Variants in INPP4B observed in about 807,000 individuals in gnomAD.
The protein encoded by INPP4B is inositol polyphosphate 4-phosphatase type II.
In INPP4B, 55 loss-of-function variants were observed where a neutral mutation model predicts 122.5. The ratio of observed to expected loss-of-function variants is 0.45; its 90% CI spans 0.36 to 0.56. The LOEUF is 0.56. Among genes scored for constraint, INPP4B ranks in the 20% least tolerant of loss-of-function variants. INPP4B has a pLI of 0.00. For synonymous variants in INPP4B, 403 were observed against 388.7 expected (o/e 1.04, Z -0.43); for missense variants, 1,000 against 1,097.7 (o/e 0.91, Z 1.26).
chr4:142,221,389 CAAAAAAAAAAA>C (rs570703001), intron 12 of INPP4B, among the ~76,000 whole-genome samples: 3 of 28,556 alleles, frequency 1.1e-4, no homozygotes, highest in Admixed American at 5.0e-4. Flanking sequence ...GACTCCTTCT[CAAAAAAAAAAA>C]AAAAAAAAAA....
chr4:142,834,057 A>C (rs995939360), intron 1 of INPP4B, among the ~76,000 whole-genome samples: 1 of 152,184 alleles, frequency 6.6e-6, no homozygotes, highest in Non-Finnish European at 1.5e-5. Flanking sequence ...TATCAAATTT[A>C]ATTTTAAAGG....
intron 2 of INPP4B, among the ~76,000 whole-genome samples, chr4:142,628,692 T>G (rs1383685259): frequency 6.6e-6 from 1 of 152,032 alleles, no homozygotes; most frequent in Non-Finnish European, 1.5e-5. Flanking sequence ...TTATAGACAT[T>G]TCATAAGATA....
intron 2 of INPP4B, among the ~76,000 whole-genome samples, chr4:142,623,709 C>T (rs927576926): frequency 6.8e-6 from 1 of 146,426 alleles, no homozygotes; most frequent in South Asian, 2.2e-4. Context: ...CTAATGCTAT[C>T]CCTCCCCCCT....
At chr4:142,521,158 T>G (rs998819834) in intron 2 of INPP4B, among the ~76,000 whole-genome samples, 9 of 151,814 alleles carry the variant, frequency 5.9e-5, no homozygotes, top group African/African-American at 2.2e-4. Flanking sequence ...ATCAGGAAAA[T>G]TAAGTTAAAT....
At chr4:142,600,366 A>T (rs1304879693) in intron 2 of INPP4B, among the ~76,000 whole-genome samples, 4 of 152,202 alleles carry the variant, frequency 2.6e-5, no homozygotes, top group African/African-American at 9.6e-5. Context: ...GTACTATATC[A>T]AGCAAAATTA....
At chr4:142,538,646 T>C (rs1256022227) in intron 2 of INPP4B, among the ~76,000 whole-genome samples, 1 of 152,134 alleles carries the variant, frequency 6.6e-6, no homozygotes, top group Non-Finnish European at 1.5e-5. Context: ...TGTTCTCTTA[T>C]GAACACTGAG....
intron 9 of INPP4B, among the ~76,000 whole-genome samples, chr4:142,293,196 G>A (rs1014458832): frequency 1.3e-5 from 2 of 151,794 alleles, no homozygotes; most frequent in African/African-American, 4.8e-5. Flanking sequence ...CTGCCACCAC[G>A]CCCGGCTGAT....
chr4:142,537,550 A>G (rs1828435588), intron 2 of INPP4B, among the ~76,000 whole-genome samples: 1 of 151,186 alleles, frequency 6.6e-6, no homozygotes, highest in African/African-American at 2.4e-5. Context: ...ACGTAAAGTA[A>G]GTCCTCACCT....
At chr4:142,427,426 T>A in intron 5 of INPP4B, 1 of 624,590 alleles carries the variant, frequency 1.6e-6, no homozygotes, top group Non-Finnish European at 2.9e-6. Context: ...TGGTAGAACA[T>A]TATTATGAAT....
At chr4:142,751,151 C>T (rs1252403359) in intron 1 of INPP4B, among the ~76,000 whole-genome samples, 1 of 151,758 alleles carries the variant, frequency 6.6e-6, no homozygotes, top group Non-Finnish European at 1.5e-5. Context: ...CATGTTAGAA[C>T]TATGTGAAGG....
intron 1 of INPP4B, among the ~76,000 whole-genome samples, chr4:142,794,163 G>A (rs998636704): frequency 4.6e-5 from 7 of 151,892 alleles, no homozygotes; most frequent in Admixed American, 2.6e-4. Context: ...ACTAATTATC[G>A]AGAATAGTCA....
At chr4:142,636,201 C>A (rs1749123572) in intron 2 of INPP4B, among the ~76,000 whole-genome samples, 3 of 152,178 alleles carry the variant, frequency 2.0e-5, no homozygotes, top group Admixed American at 2.0e-4. Flanking sequence ...CCTGAGGTCT[C>A]CCCAGCAATG....
chr4:142,158,903 G>A (rs1483779414), intron 17 of INPP4B, among the ~76,000 whole-genome samples: 1 of 151,814 alleles, frequency 6.6e-6, no homozygotes, highest in Non-Finnish European at 1.5e-5. Flanking sequence ...TTTGTCAAAA[G>A]GTCAACACTG....
chr4:142,702,872 C>T (rs1761998615), intron 2 of INPP4B, among the ~76,000 whole-genome samples: 1 of 151,878 alleles, frequency 6.6e-6, no homozygotes, highest in Non-Finnish European at 1.5e-5. Context: ...CTGCTGACTA[C>T]ATCTGAAGTT....
chr4:142,757,330 G>A (rs895263404), intron 1 of INPP4B, among the ~76,000 whole-genome samples: 1 of 152,030 alleles, frequency 6.6e-6, no homozygotes, highest in African/African-American at 2.4e-5. Flanking sequence ...GTTTGTTCTT[G>A]ATGTACATTC....
At chr4:142,113,655 C>T (rs1037721665) in intron 21 of INPP4B, among the ~76,000 whole-genome samples, 2 of 151,792 alleles carry the variant, frequency 1.3e-5, no homozygotes, top group Admixed American at 6.6e-5. Context: ...GATGAGTGAG[C>T]GCATTATTTT....
intron 12 of INPP4B, among the ~76,000 whole-genome samples, chr4:142,230,392 T>A (rs529191329): frequency 6.6e-6 from 1 of 152,126 alleles, no homozygotes; most frequent in East Asian, 1.9e-4. Context: ...ACATCTGTAA[T>A]CCCAGCACTT....
At chr4:142,691,534 A>G (rs993178667) in intron 2 of INPP4B, among the ~76,000 whole-genome samples, 2 of 152,122 alleles carry the variant, frequency 1.3e-5, no homozygotes, top group Non-Finnish European at 2.9e-5. Flanking sequence ...TGTGTCTTGC[A>G]AGTATTAATA....
chr4:142,531,926 A>C (rs17717651), intron 2 of INPP4B, among the ~76,000 whole-genome samples: 36,146 of 152,102 alleles, frequency 0.24, 5,417 homozygotes, highest in East Asian at 0.78. Flanking sequence ...TTTACTTTTT[A>C]ATATCCAATT....
Sources: gnomAD v4.1 joint callset for allele counts (sites outside exome capture counted in the v4.1 genomes callset) on GRCh38, gnomAD v4.1.1 for gene constraint, MANE v1.5 for transcripts, NCBI Gene and HGNC (gene_info 2026-07-23, HGNC 2026-07-21) for gene names.